GALNT13: variants seen among roughly 807,000 people sequenced by gnomAD.
GALNT13 encodes polypeptide N-acetylgalactosaminyltransferase 13.
Under a neutral mutation model 64.2 loss-of-function variants are expected in GALNT13, and 28 were observed. The ratio of observed to expected loss-of-function variants is 0.44; its 90% CI spans 0.32 to 0.60. The LOEUF is 0.60. Ranked by LOEUF, GALNT13 falls within the 20% of genes least tolerant of loss-of-function variation. GALNT13 has a pLI of 0.05. For synonymous variants in GALNT13, 214 were observed against 224.6 expected (o/e 0.95, Z 0.42); for missense variants, 577 against 669.8 (o/e 0.86, Z 1.53).
the GALNT13 span, among the ~76,000 whole-genome samples, chr2:153,843,262 A>G: frequency 6.6e-6 from 1 of 152,242 alleles, no homozygotes; most frequent in Admixed American, 6.5e-5. Context: ...GAAGCTTACA[A>G]TAATGGCAGA....
chr2:153,628,823 T>C, the GALNT13 span, among the ~76,000 whole-genome samples: 3 of 152,286 alleles, frequency 2.0e-5, no homozygotes, highest in East Asian at 5.8e-4. Context: ...TTGTTGTGTC[T>C]CTGCCTGGCT....
chr2:154,307,289 C>T (rs1693791736), intron 9 of GALNT13, among the ~76,000 whole-genome samples: 2 of 152,096 alleles, frequency 1.3e-5, no homozygotes, highest in South Asian at 4.1e-4. Flanking sequence ...ACAATAAAAG[C>T]AGACAATAAA....
chr2:153,262,846 A>G, the GALNT13 span, among the ~76,000 whole-genome samples: 4 of 152,156 alleles, frequency 2.6e-5, no homozygotes, highest in African/African-American at 9.7e-5. Context: ...CAAATATCAT[A>G]CAGAATGGGA....
At chr2:153,396,789 T>G in the GALNT13 span, among the ~76,000 whole-genome samples, 22 of 152,124 alleles carry the variant, frequency 1.4e-4, no homozygotes. Flanking sequence ...TTTTTGTCCT[T>G]TTATGGAAAA....
At chr2:153,177,272 T>C in the GALNT13 span, among the ~76,000 whole-genome samples, 26 of 152,254 alleles carry the variant, frequency 1.7e-4, no homozygotes, top group Middle Eastern at 3.4e-3. Context: ...CATATGCCTA[T>C]TGTACTTCTG....
At chr2:153,604,347 T>C in the GALNT13 span, among the ~76,000 whole-genome samples, 1 of 152,034 alleles carries the variant, frequency 6.6e-6, no homozygotes, top group Non-Finnish European at 1.5e-5. Flanking sequence ...CATGTGGAAA[T>C]TTTATGTAAA....
the GALNT13 span, among the ~76,000 whole-genome samples, chr2:153,671,090 G>A: frequency 1.3e-5 from 2 of 152,182 alleles, no homozygotes; most frequent in African/African-American, 4.8e-5. Flanking sequence ...GTACCTGAAA[G>A]TGACGGGGAG....
At chr2:153,270,753 G>A in the GALNT13 span, among the ~76,000 whole-genome samples, 1 of 152,134 alleles carries the variant, frequency 6.6e-6, no homozygotes, top group South Asian at 2.1e-4. Flanking sequence ...TTGAGAGACT[G>A]AGGTGGGAGG....
At chr2:153,866,999 A>G (rs951064173), upstream of GALNT13, among the ~76,000 whole-genome samples, 12 of 152,196 alleles carry the variant, frequency 7.9e-5, no homozygotes, top group African/African-American at 2.9e-4. Context: ...GGATTTTATC[A>G]AATCTATTCA....
intron 9 of GALNT13, among the ~76,000 whole-genome samples, chr2:154,335,094 A>G (rs1035152426): frequency 2.0e-5 from 3 of 151,858 alleles, no homozygotes; most frequent in East Asian, 1.9e-4. Context: ...AAGACTTCCT[A>G]TATGTTCTCT....
intron 4 of GALNT13, among the ~76,000 whole-genome samples, chr2:154,157,388 T>G (rs1265956537): frequency 6.6e-6 from 1 of 152,116 alleles, no homozygotes; most frequent in Non-Finnish European, 1.5e-5. Context: ...TTCTACCCAC[T>G]TTTTTTAAGA....
At chr2:154,437,522 T>A in intron 11 of GALNT13, 1 of 1,280,050 alleles carries the variant, frequency 7.8e-7, no homozygotes, top group Non-Finnish European at 1.0e-6. Flanking sequence ...ATGCTTATCG[T>A]AGTTAAAAGA....
At chr2:153,729,742 C>T in the GALNT13 span, among the ~76,000 whole-genome samples, 1 of 151,962 alleles carries the variant, frequency 6.6e-6, no homozygotes, top group East Asian at 1.9e-4. Context: ...AAGAGTCATC[C>T]AAAAGATAAC....
intron 3 of GALNT13, among the ~76,000 whole-genome samples, chr2:154,077,896 T>G (rs2105405686): frequency 6.6e-6 from 1 of 151,652 alleles, no homozygotes; most frequent in African/African-American, 2.4e-5. Context: ...GAAATTTTAA[T>G]TATTCAATCT....
At chr2:153,291,396 A>G in the GALNT13 span, among the ~76,000 whole-genome samples, 8 of 152,314 alleles carry the variant, frequency 5.3e-5, no homozygotes, top group East Asian at 9.6e-4. Context: ...GTTGGGGGCC[A>G]TGAGTTATCC....
the GALNT13 span, among the ~76,000 whole-genome samples, chr2:153,794,399 C>T: frequency 6.6e-6 from 1 of 152,032 alleles, no homozygotes; most frequent in African/African-American, 2.4e-5. Context: ...GAAAAATGTA[C>T]AGCACCATAA....
chr2:153,389,683 T>C, the GALNT13 span, among the ~76,000 whole-genome samples: 2 of 152,022 alleles, frequency 1.3e-5, no homozygotes, highest in Non-Finnish European at 2.9e-5. Flanking sequence ...TTGGTGATGG[T>C]AGAAGTTTTA....
chr2:153,927,395 T>A (rs1452244845), intron 2 of GALNT13, among the ~76,000 whole-genome samples: 3 of 152,074 alleles, frequency 2.0e-5, no homozygotes, highest in Non-Finnish European at 4.4e-5. Flanking sequence ...CTTGTACACA[T>A]AATGGTAATC....
At chr2:154,288,813 C>G (rs576560186) in intron 8 of GALNT13, among the ~76,000 whole-genome samples, 1 of 152,362 alleles carries the variant, frequency 6.6e-6, no homozygotes, top group South Asian at 2.1e-4. Flanking sequence ...CCACTCCTTA[C>G]TGCTTTCACA....
Sources: gnomAD v4.1 joint callset for allele counts (sites outside exome capture counted in the v4.1 genomes callset) on GRCh38, gnomAD v4.1.1 for gene constraint, MANE v1.5 for transcripts, NCBI Gene and HGNC (gene_info 2026-07-23, HGNC 2026-07-21) for gene names.